The following PLCB1 variants were observed in gnomAD, a reference collection of about 807,000 sequenced individuals.
The protein encoded by PLCB1 is phospholipase C beta 1.
Under a neutral mutation model 161.8 loss-of-function variants are expected in PLCB1, and 46 were observed. The ratio of observed to expected loss-of-function variants is 0.28; its 90% CI spans 0.22 to 0.36. The LOEUF is 0.36. Among genes scored for constraint, PLCB1 ranks in the 10% least tolerant of loss-of-function variants. The pLI, the probability that PLCB1 is intolerant of heterozygous loss-of-function variation, is 1.00. For synonymous variants in PLCB1, 517 were observed against 503.7 expected, an observed-to-expected ratio of 1.03 and a Z score of -0.35; for missense variants, 1,016 against 1,472.5, an observed-to-expected ratio of 0.69 and a Z score of 5.07.
At chr20:8,197,320 C>T (rs2052035712) in intron 2 of PLCB1, among the ~76,000 whole-genome samples, 1 of 152,094 alleles carries the variant, frequency 6.6e-6, no homozygotes, top group South Asian at 2.1e-4. Context: ...CTCTCCAGCA[C>T]CTGTTGTTTC....
intron 2 of PLCB1, among the ~76,000 whole-genome samples, chr20:8,353,206 C>T (rs1986240221): frequency 6.6e-6 from 1 of 152,016 alleles, no homozygotes; most frequent in Admixed American, 6.6e-5. Flanking sequence ...ATGGAACCAA[C>T]TAAAAGACTT....
chr20:8,878,385 C>A (rs879938124), intron 31 of PLCB1, among the ~76,000 whole-genome samples: 1 of 152,154 alleles, frequency 6.6e-6, no homozygotes, highest in Non-Finnish European at 1.5e-5. Flanking sequence ...TTCATTCATG[C>A]AAAAGAGTAC....
intron 11 of PLCB1, among the ~76,000 whole-genome samples, chr20:8,702,056 G>A (rs190186413): frequency 1.5e-3 from 223 of 152,290 alleles, no homozygotes; most frequent in South Asian, 3.3e-3. Flanking sequence ...GACCTGGAAA[G>A]CTTCTGTGTG....
At chr20:8,544,264 G>T (rs911624308) in intron 3 of PLCB1, among the ~76,000 whole-genome samples, 2 of 152,190 alleles carry the variant, frequency 1.3e-5, no homozygotes, top group African/African-American at 4.8e-5. Context: ...CAGAAGAATA[G>T]TGGGTATGTG....
At chr20:8,425,132 T>TTG (rs1979699957) in intron 3 of PLCB1, among the ~76,000 whole-genome samples, 2 of 146,996 alleles carry the variant, frequency 1.4e-5, no homozygotes, top group Non-Finnish European at 3.0e-5. Context: ...TCTGAGGTGT[T>TTG]TTTTTTTTTT....
chr20:8,504,813 A>G (rs1983567518), intron 3 of PLCB1, among the ~76,000 whole-genome samples: 1 of 152,242 alleles, frequency 6.6e-6, no homozygotes, highest in Non-Finnish European at 1.5e-5. Context: ...ATGTGGCATT[A>G]ATAAATGGAC....
chr20:8,594,350 C>T (rs1334543543), intron 3 of PLCB1, among the ~76,000 whole-genome samples: 1 of 151,790 alleles, frequency 6.6e-6, no homozygotes, highest in Non-Finnish European at 1.5e-5. Flanking sequence ...TAAGTTTGGT[C>T]CATGGTGTTC....
chr20:8,411,484 A>G (rs1364332983), intron 3 of PLCB1, among the ~76,000 whole-genome samples: 2 of 152,198 alleles, frequency 1.3e-5, no homozygotes, highest in Non-Finnish European at 2.9e-5. Context: ...TAAGAATTAC[A>G]GCCTAACTGT....
At chr20:8,747,221 T>G (rs1208489941) in intron 23 of PLCB1, among the ~76,000 whole-genome samples, 1 of 152,248 alleles carries the variant, frequency 6.6e-6, no homozygotes, top group Non-Finnish European at 1.5e-5. Context: ...CAGAACTTAT[T>G]CTTCAGAAAG....
At chr20:8,164,282 G>T (rs1011603692) in intron 2 of PLCB1, among the ~76,000 whole-genome samples, 14 of 152,170 alleles carry the variant, frequency 9.2e-5, no homozygotes, top group Middle Eastern at 3.4e-3. Flanking sequence ...GGTTCCCTTG[G>T]TTGAATGAAT....
chr20:8,474,529 G>A (rs1020873080), intron 3 of PLCB1, among the ~76,000 whole-genome samples: 1 of 152,120 alleles, frequency 6.6e-6, no homozygotes, highest in Non-Finnish European at 1.5e-5. Context: ...AGAGTGGCAG[G>A]GATTATGGTG....
At chr20:8,444,482 A>T (rs1308585716) in intron 3 of PLCB1, among the ~76,000 whole-genome samples, 4 of 152,104 alleles carry the variant, frequency 2.6e-5, no homozygotes, top group Non-Finnish European at 5.9e-5. Flanking sequence ...AAGTCTTTGC[A>T]ATTGTGAATA....
At chr20:8,714,194 C>T (rs1308672408) in intron 12 of PLCB1, among the ~76,000 whole-genome samples, 6 of 152,088 alleles carry the variant, frequency 3.9e-5, no homozygotes, top group Non-Finnish European at 8.8e-5. Flanking sequence ...TCCACTGTCC[C>T]GGAGTCTCTG....
At position 8,657,257 on chromosome 20, in the gene PLCB1, CTGAAAT is replaced by C; in HGVS notation, c.672_677del (p.Glu224_Ile225del). On this transcript the variant is annotated inframe_deletion, in exon 8 of 32. Coordinates refer to ENST00000338037, the MANE Select transcript of PLCB1 (RefSeq NM_015192.4). ...TTCCTCAACAACCTTTGCCCTCGAC[CTGAAAT>C]TGATAACATCTTTTCAGAATTGTAA... The C allele has an allele frequency of 6.2e-7, 1 of 1,603,596 alleles. No individual in the cohort carries two copies. Among genetic ancestry groups the C allele is most frequent in the Non-Finnish European group, 8.5e-7 (1 of 1,170,644 alleles).
chr20:8,751,275 G>A (rs1981466758), intron 23 of PLCB1: 2 of 160,796 alleles, frequency 1.2e-5, no homozygotes, highest in African/African-American at 4.8e-5. Flanking sequence ...CTCAGACAAG[G>A]AAAGCATGAT....
chr20:8,191,152 T>G (rs938647769), intron 2 of PLCB1, among the ~76,000 whole-genome samples: 1 of 151,998 alleles, frequency 6.6e-6, no homozygotes, highest in Non-Finnish European at 1.5e-5. Context: ...ATTTTTTAAT[T>G]TTTATGGGTA....
At chr20:8,315,985 G>A (rs1240456931) in intron 2 of PLCB1, among the ~76,000 whole-genome samples, 1 of 152,120 alleles carries the variant, frequency 6.6e-6, no homozygotes, top group Non-Finnish European at 1.5e-5. Context: ...CAGCTCTCAG[G>A]GGGTTGAACG....
chr20:8,269,084 T>A (rs1248607800), intron 2 of PLCB1, among the ~76,000 whole-genome samples: 8 of 151,878 alleles, frequency 5.3e-5, no homozygotes, highest in African/African-American at 1.5e-4. Flanking sequence ...GAACTTTTTT[T>A]AAATAATTTT....
chr20:8,480,582 T>C (rs965474589), intron 3 of PLCB1, among the ~76,000 whole-genome samples: 3 of 152,216 alleles, frequency 2.0e-5, no homozygotes, highest in African/African-American at 7.2e-5. Context: ...TCTGTAACTG[T>C]TGATGATTGC....
Sources: allele counts gnomAD v4.1 joint callset (sites outside exome capture counted in the v4.1 genomes callset), GRCh38; gene constraint gnomAD v4.1.1; transcripts MANE v1.5; gene names NCBI Gene and HGNC (gene_info 2026-07-23, HGNC 2026-07-21).